SV2B: variants seen among roughly 807,000 people sequenced by gnomAD.
SV2B encodes the protein solute carrier family 22 member B2.
SV2B carries 41 observed loss-of-function variants against 73.9 expected under a neutral mutation model. The observed-to-expected ratio is 0.56, with a 90% CI of 0.43 to 0.72. SV2B has a LOEUF of 0.72. Among genes scored for constraint, SV2B ranks in the 30% least tolerant of loss-of-function variants. The pLI is 0.00. For missense variants in SV2B, 764 were observed against 857.8 expected, an observed-to-expected ratio of 0.89 and a Z score of 1.37; for synonymous variants, 314 against 314.2, an observed-to-expected ratio of 1.00 and a Z score of 0.01.
At position 91,119,996 on chromosome 15, in the gene SV2B, A is replaced by G. The variant is rs79382419; in HGVS notation, c.-392+19633A>G. On this transcript the variant is annotated intron_variant, in intron 1 of 12. Transcript: ENST00000394232. ...TATTCTCCTTGTTACTCTCATAAGA[A>G]ATACTTATAAGAAATATTCTCATAA... 1.7e-3 allele frequency among the ~76,000 whole-genome samples: 256 copies of G among 152,370 alleles called. 1 individual carries two copies. The highest frequency in any genetic ancestry group is 6.0e-3 in the African/African-American group (250 of 41,590).
chr15:91,207,045 A>C (rs965352903), intron 1 of SV2B, among the ~76,000 whole-genome samples: 2 of 151,970 alleles, frequency 1.3e-5, no homozygotes, highest in African/African-American at 4.8e-5. Context: ...CCTTTAAAAA[A>C]ATTTTTTTTT....
In SV2B at chr15:91,111,528, C is replaced by A. The variant is rs2042035363; in HGVS notation, c.-392+11165C>A. On this transcript the variant is annotated intron_variant, in intron 1 of 12. Transcript: ENST00000394232. ...TGAGGAAAGAAGACGGGGGGCCAGG[C>A]AAAGCTATTGGACAGGAGAGGGGAT... 3.3e-5 allele frequency among the ~76,000 whole-genome samples: 5 copies of A among 152,086 alleles called. No individual in the cohort carries two copies. The South Asian group carries it at 1.0e-3, about 32-fold the overall frequency.
At position 91,124,629 on chromosome 15, in the gene SV2B, AAAC is replaced by A. The variant is rs1489954454; in HGVS notation, c.-392+24271_-392+24273del. ...CAAAACACCATGGAACGGGTGATCT[AAAC>A]AACAGAAATTTCTTTCTTTCAACAA... is the stretch of plus-strand genomic sequence containing the variant. On this transcript the variant is annotated intron_variant, in intron 1 of 12. Coordinates refer to ENST00000394232, the MANE Select transcript of SV2B (RefSeq NM_001323032.3). The surrounding 1 kb of genome is among the most constrained non-coding windows in gnomAD (Gnocchi z 4.6). Among the ~76,000 whole-genome samples the A allele has an allele frequency of 6.6e-6, 1 of 152,136 alleles. No homozygotes were observed. The highest frequency in any genetic ancestry group is 6.6e-5 in the Admixed American group (1 of 15,260).
intron 1 of SV2B, among the ~76,000 whole-genome samples, chr15:91,113,724 A>C (rs1314428855): frequency 6.6e-6 from 1 of 152,240 alleles, no homozygotes; most frequent in African/African-American, 2.4e-5. Flanking sequence ...ATATTATAGA[A>C]TCCCATATCA....
At chr15:91,151,128 A>G (rs1235309231) in intron 1 of SV2B, among the ~76,000 whole-genome samples, 2 of 152,226 alleles carry the variant, frequency 1.3e-5, no homozygotes, top group Non-Finnish European at 2.9e-5. Flanking sequence ...GAGATGGAAG[A>G]CTAACAGTTA....
intron 1 of SV2B, among the ~76,000 whole-genome samples, chr15:91,171,548 C>T (rs1300382374): frequency 6.6e-6 from 1 of 151,982 alleles, no homozygotes; most frequent in Admixed American, 6.6e-5. Flanking sequence ...TGGTTTGGGT[C>T]GTGTGTCATG....
intron 2 of SV2B, among the ~76,000 whole-genome samples, chr15:91,235,223 G>A (rs2046733558): frequency 6.6e-6 from 1 of 152,100 alleles, no homozygotes; most frequent in African/African-American, 2.4e-5. Flanking sequence ...GAAAAATTGA[G>A]GTTTTTATGT....
intron 1 of SV2B, among the ~76,000 whole-genome samples, chr15:91,120,921 A>T (rs2042317336): frequency 6.6e-6 from 1 of 152,094 alleles, no homozygotes. Flanking sequence ...TAATCCTTCC[A>T]GTTTTCTCAA....
chr15:91,112,579 G>T lies in SV2B; in HGVS notation c.-392+12216G>T, dbSNP rs554140760. 7.9e-5 allele frequency among the ~76,000 whole-genome samples: 12 copies of T among 152,294 alleles called. No homozygotes were observed. The East Asian group carries it at 2.3e-3, about 29-fold the overall frequency. On this transcript the variant is annotated intron_variant, in intron 1 of 12. Coordinates refer to ENST00000394232, the MANE Select transcript of SV2B (RefSeq NM_001323032.3). ...GTGGAAAGTTCTGTTTGAAAAAGATGAGAGAGAAGCAAGGGAATCAGGGAA... is the reference window on the plus strand; with the variant it reads ...GTGGAAAGTTCTGTTTGAAAAAGATTAGAGAGAAGCAAGGGAATCAGGGAA...
rs548916127 is a variant in SV2B at position 91,281,217 on chromosome 15, G to C, written c.1374-511G>C. 1.3e-3 allele frequency among the ~76,000 whole-genome samples: 198 copies of C among 152,280 alleles called. 2 individuals carry two copies. The highest frequency in any genetic ancestry group is 6.8e-3 in the Middle Eastern group (2 of 294). On this transcript the variant is annotated intron_variant, in intron 9 of 12. Transcript: ENST00000394232. This position sits in a 1 kb window ranked among gnomAD's most constrained non-coding sequence, Gnocchi z 4.7. ...CGTGCATTTCAAATTTTGCAAAATT[G>C]CTCCCCAAAGAGGCTGCATGGATTA... is the stretch of plus-strand genomic sequence containing the variant.
intron 1 of SV2B, among the ~76,000 whole-genome samples, chr15:91,104,467 A>G (rs2041822839): frequency 6.6e-6 from 1 of 152,236 alleles, no homozygotes; most frequent in Non-Finnish European, 1.5e-5. Flanking sequence ...TCTAATGACA[A>G]AATTAAGGCA....
At chr15:91,259,901 C>G (rs2047846436) in intron 5 of SV2B, among the ~76,000 whole-genome samples, 1 of 152,178 alleles carries the variant, frequency 6.6e-6, no homozygotes, top group Admixed American at 6.5e-5. Flanking sequence ...CGAATAAAGT[C>G]ACTCTCTGTG....
At chr15:91,156,256 G>A (rs1003119845) in intron 1 of SV2B, among the ~76,000 whole-genome samples, 3 of 152,112 alleles carry the variant, frequency 2.0e-5, no homozygotes, top group African/African-American at 7.2e-5. Flanking sequence ...GGTATAGATA[G>A]GCTTCTTTCC....
intron 5 of SV2B, 94 bp from the exon 6 acceptor site, chr15:91,260,226 C>T (rs1331448788): frequency 2.7e-6 from 3 of 1,094,634 alleles, no homozygotes; most frequent in Non-Finnish European, 4.0e-6. Context: ...CTCGTATCAA[C>T]ATTCCCATTG....
Position 91,172,655 on chromosome 15 carries a change from G to A in SV2B, c.-391-53218G>A, listed in dbSNP as rs563157789. ...CACATAGAAGCAGAGAGCAGAGCAG[G>A]TCAAGTTTCCACTCTGGAGACAGCT... On this transcript the variant is annotated intron_variant, in intron 1 of 12. Transcript: ENST00000394232. Among the ~76,000 whole-genome samples the A allele has an allele frequency of 5.3e-5, 8 of 152,302 alleles. No individual in the cohort carries two copies. The East Asian group carries it at 1.5e-3, about 29-fold the overall frequency.
chr15:91,188,307 A>C (rs1411192346), intron 1 of SV2B, among the ~76,000 whole-genome samples: 5 of 149,458 alleles, frequency 3.3e-5, no homozygotes, highest in Admixed American at 1.3e-4. Flanking sequence ...TTATTTATTT[A>C]TTTATTTATT....
intron 2 of SV2B, among the ~76,000 whole-genome samples, chr15:91,248,872 A>T (rs149055868): frequency 6.6e-6 from 1 of 152,286 alleles, no homozygotes; most frequent in African/African-American, 2.4e-5. Context: ...ATAGACTTTT[A>T]TTGGATGCTA....
intron 1 of SV2B, among the ~76,000 whole-genome samples, chr15:91,107,460 G>A (rs779109940): frequency 1.3e-3 from 203 of 151,886 alleles, no homozygotes; most frequent in African/African-American, 2.1e-3. Flanking sequence ...CTACAGGCAC[G>A]TGCCACCACG....
chr15:91,180,284 C>T (rs1258976322), intron 1 of SV2B, among the ~76,000 whole-genome samples: 1 of 152,132 alleles, frequency 6.6e-6, no homozygotes, highest in Non-Finnish European at 1.5e-5. Context: ...GATGGGCTTC[C>T]CTTTGTGGGT....
Sources: allele counts gnomAD v4.1 joint callset (sites outside exome capture counted in the v4.1 genomes callset), GRCh38; gene constraint gnomAD v4.1.1; non-coding constraint Gnocchi (gnomAD v3.1); transcripts MANE v1.5; gene names NCBI Gene and HGNC (gene_info 2026-07-23, HGNC 2026-07-21).